Variants in MGAT4C observed in about 807,000 individuals in gnomAD.
MGAT4C encodes the protein MGAT4 family member C.
MGAT4C carries 19 observed loss-of-function variants against 40.1 expected under a neutral mutation model. The ratio of observed to expected loss-of-function variants is 0.47; its 90% CI spans 0.33 to 0.70. MGAT4C has a LOEUF of 0.70. Ranked by LOEUF, MGAT4C falls within the 30% of genes least tolerant of loss-of-function variation. The pLI is 0.02. For synonymous variants in MGAT4C, 181 were observed against 187.1 expected (o/e 0.97, Z 0.27); for missense variants, 491 against 563.2 (o/e 0.87, Z 1.30).
At chr12:86,724,811 C>T (rs1950795187) in intron 2 of MGAT4C, among the ~76,000 whole-genome samples, 1 of 152,196 alleles carries the variant, frequency 6.6e-6, no homozygotes, top group East Asian at 1.9e-4. Flanking sequence ...CTAACATTTT[C>T]CCAACATTAC....
At chr12:86,704,029 T>A (rs1238382672) in intron 2 of MGAT4C, among the ~76,000 whole-genome samples, 1 of 152,092 alleles carries the variant, frequency 6.6e-6, no homozygotes, top group Non-Finnish European at 1.5e-5. Flanking sequence ...AAGGACAGTA[T>A]GACTTTTATA....
chr12:86,777,928 G>T (rs1278485877), intron 1 of MGAT4C, among the ~76,000 whole-genome samples: 2 of 152,068 alleles, frequency 1.3e-5, no homozygotes, highest in African/African-American at 4.8e-5. Flanking sequence ...GAATAATACT[G>T]CTCAGTCTTT....
chr12:86,012,303 C>G (rs1360639328), intron 2 of MGAT4C, among the ~76,000 whole-genome samples: 2 of 152,196 alleles, frequency 1.3e-5, no homozygotes, highest in Non-Finnish European at 2.9e-5. Context: ...TGATCCAAGG[C>G]TATTGATTAC....
intron 2 of MGAT4C, among the ~76,000 whole-genome samples, chr12:86,044,388 T>C (rs898673652): frequency 3.3e-5 from 5 of 152,160 alleles, no homozygotes; most frequent in African/African-American, 1.2e-4. Flanking sequence ...GTGGGTTACA[T>C]GTTCATTGGT....
intron 3 of MGAT4C, among the ~76,000 whole-genome samples, chr12:86,424,372 CTT>C (rs1439959090): frequency 1.3e-5 from 2 of 152,174 alleles, no homozygotes; most frequent in Non-Finnish European, 2.9e-5. Context: ...GAGAACCTCT[CTT>C]ATGTTTTATT....
intron 2 of MGAT4C, among the ~76,000 whole-genome samples, chr12:86,672,493 T>G (rs1964281711): frequency 6.7e-6 from 1 of 149,954 alleles, no homozygotes; most frequent in Non-Finnish European, 1.5e-5. Flanking sequence ...ATGAAATGAG[T>G]TTTTTTGAAA....
rs1487963025 is a variant in MGAT4C at position 86,632,071 on chromosome 12, C to A, written c.-229+95138G>T. 1.5e-4 allele frequency among the ~76,000 whole-genome samples: 23 copies of A among 151,944 alleles called. 1 individual carries two copies. The highest frequency in any genetic ancestry group is 2.9e-4 in the Non-Finnish European group (20 of 68,016). On this transcript the variant is annotated intron_variant, in intron 2 of 7. Transcript: ENST00000548651. ...AACAAATTTATAAGAAAAAATCAAA[C>A]AACCCCATCAAAAAGTGGGCAAAGG...
intron 2 of MGAT4C, among the ~76,000 whole-genome samples, chr12:86,630,320 A>T (rs558941603): frequency 2.4e-4 from 36 of 152,276 alleles, no homozygotes; most frequent in African/African-American, 8.7e-4. Context: ...ATTCTACCAG[A>T]GGTAAAAAGA....
At chr12:86,148,575 G>T (rs1455737808) in intron 1 of MGAT4C, among the ~76,000 whole-genome samples, 1 of 152,150 alleles carries the variant, frequency 6.6e-6, no homozygotes, top group Non-Finnish European at 1.5e-5. Context: ...CAAAAAATCT[G>T]CATCCTACCA....
At chr12:86,382,538 T>C (rs2136221041) in intron 3 of MGAT4C, among the ~76,000 whole-genome samples, 1 of 152,312 alleles carries the variant, frequency 6.6e-6, no homozygotes, top group East Asian at 1.9e-4. Context: ...TTTGCATAAG[T>C]AACGAGGATG....
chr12:86,763,594 T>C (rs1173307759), intron 1 of MGAT4C, among the ~76,000 whole-genome samples: 3 of 152,198 alleles, frequency 2.0e-5, no homozygotes, highest in African/African-American at 7.2e-5. Flanking sequence ...TTCATAATGA[T>C]TCTGTAGACA....
chr12:86,804,012 A>G (rs913044058), intron 1 of MGAT4C, among the ~76,000 whole-genome samples: 5 of 130,590 alleles, frequency 3.8e-5, no homozygotes, highest in South Asian at 2.8e-4. Context: ...ACTTGGAACC[A>G]ACCCAAATGT....
chr12:86,213,989 A>G (rs1215207019), intron 1 of MGAT4C, among the ~76,000 whole-genome samples: 4 of 152,330 alleles, frequency 2.6e-5, no homozygotes, highest in African/African-American at 4.8e-5. Context: ...TAAACATACA[A>G]CAGGTCTTGT....
At chr12:86,188,469 A>C (rs1182153732) in intron 1 of MGAT4C, among the ~76,000 whole-genome samples, 6 of 151,930 alleles carry the variant, frequency 3.9e-5, no homozygotes, top group Admixed American at 2.6e-4. Flanking sequence ...CTGTGGTCCC[A>C]GTTTGGTCTT....
rs1007323203 is a variant in MGAT4C, at chr12:85,956,888, T to C, written c.*22401A>G. 7.4e-6 allele frequency: 1 copy of C among 134,802 alleles called. No homozygotes were observed. Among genetic ancestry groups the C allele is most frequent in the African/African-American group, 2.6e-5 (1 of 38,936 alleles). The allele number at this position is 134,802 out of a possible 1,614,324, so 8.4% of individuals were successfully genotyped here. A position where few individuals can be genotyped will look rare whatever the true frequency, so the allele number is the denominator to read the frequency against. On this transcript the variant is annotated 3_prime_UTR_variant, in exon 5 of 5. Coordinates refer to ENST00000611864, the MANE Select transcript of MGAT4C (RefSeq NM_001351288.2). Reference sequence around the variant, plus strand: ...AAGTAACCTTGCTTGGGAAGCTTTGTTGAATTGACACAAGCACAGAAATAC... The same window carrying C: ...AAGTAACCTTGCTTGGGAAGCTTTGCTGAATTGACACAAGCACAGAAATAC...
chr12:86,643,851 T>G (rs1324607028), intron 2 of MGAT4C, among the ~76,000 whole-genome samples: 1 of 151,784 alleles, frequency 6.6e-6, no homozygotes, highest in Non-Finnish European at 1.5e-5. Context: ...TCAATAGGCA[T>G]AAAGTGATTA....
intron 4 of MGAT4C, among the ~76,000 whole-genome samples, chr12:86,311,795 C>T (rs1382697251): frequency 6.6e-6 from 1 of 152,212 alleles, no homozygotes; most frequent in Non-Finnish European, 1.5e-5. Context: ...CTTCTGACCT[C>T]CACCATCTCC....
chr12:86,759,438 T>C (rs1201093511), intron 1 of MGAT4C, among the ~76,000 whole-genome samples: 1 of 152,126 alleles, frequency 6.6e-6, no homozygotes, highest in Non-Finnish European at 1.5e-5. Context: ...TAGTTCTACT[T>C]TTAATTATCT....
At position 86,292,154 on chromosome 12, in the gene MGAT4C, T is replaced by C. The variant is rs1234910713; in HGVS notation, c.-57+41911A>G. On this transcript the variant is annotated intron_variant, in intron 4 of 7. Transcript: ENST00000548651. ...GGAATTAGCAACAGATGAAGTTTAT[T>C]AAGCCACTGAGATTTCTGGATGTTT... Among the ~76,000 whole-genome samples, 5 of 152,288 alleles carry C rather than the reference T, an allele frequency of 3.3e-5. No homozygotes were observed. The South Asian group carries it at 8.3e-4, about 25-fold the overall frequency.
Sources: allele counts gnomAD v4.1 joint callset (sites outside exome capture counted in the v4.1 genomes callset), GRCh38; gene constraint gnomAD v4.1.1; transcripts MANE v1.5; gene names NCBI Gene and HGNC (gene_info 2026-07-23, HGNC 2026-07-21).